GLB1L3: variants seen among roughly 807,000 people sequenced by gnomAD.
GLB1L3 encodes the protein galactosidase beta 1 like 3, also known as beta-galactosidase-1-like protein 3.
A neutral mutation model predicts 89.5 loss-of-function variants in GLB1L3; 89 were observed. The ratio of observed to expected loss-of-function variants is 0.99; its 90% CI spans 0.84 to 1.19. The LOEUF (loss-of-function observed/expected upper bound fraction) is 1.19, where lower values mean the gene tolerates loss of function less well. GLB1L3 is among the 50% of genes most tolerant of loss of function. The pLI, the probability that GLB1L3 is intolerant of heterozygous loss-of-function variation, is 0.00. For synonymous variants in GLB1L3, 314 were observed against 312.3 expected (o/e 1.01, Z -0.06); for missense variants, 812 against 813.3 (o/e 1.00, Z 0.02).
chr11:134,302,322 CTG>C (rs60673246), intron 9 of GLB1L3, among the ~76,000 whole-genome samples: 15,213 of 152,164 alleles, frequency 0.1, 812 homozygotes, highest in African/African-American at 0.13. Flanking sequence ...GAGGAGAAAA[CTG>C]TGGTTTCATT....
chr11:134,312,556 A>G, intron 14 of GLB1L3, 67 bp downstream of exon 14: 9 of 1,565,108 alleles, frequency 5.8e-6, no homozygotes, highest in Non-Finnish European at 6.9e-6. Flanking sequence ...CGGGCAGGGT[A>G]GTTGACTGAA....
At position 134,313,630 on chromosome 11, in the gene GLB1L3, G is replaced by A. The variant is rs1228450415; in HGVS notation, c.1579+156G>A. ...GATGCAAAATCGGCCCCTCGCCCTT[G>A]TCTTGCCTTCTCTGATCTCCAGGGC... On this transcript the variant is annotated intron_variant, in intron 16 of 19. Transcript: ENST00000431683. Among the ~76,000 whole-genome samples, 2 of 152,224 alleles carry A rather than the reference G, an allele frequency of 1.3e-5. 1 individual carries two copies. The highest frequency in any genetic ancestry group is 2.9e-5 in the Non-Finnish European group (2 of 68,040).
Position 134,276,569 on chromosome 11 carries a change from G to A in GLB1L3, c.-172G>A, listed in dbSNP as rs1940379154. On this transcript the variant is annotated 5_prime_UTR_variant, in exon 1 of 20. Transcript: ENST00000431683. ...AGCCCGACGCGCATCCTTGGGACCC[G>A]GACCCGGCGCCCGCGCCTCGGGACG... is the stretch of plus-strand genomic sequence containing the variant. 1 of 525,514 alleles carries A rather than the reference G, an allele frequency of 1.9e-6. No homozygotes were observed. Among genetic ancestry groups the A allele is most frequent in the Non-Finnish European group, 2.9e-6 (1 of 345,068 alleles). 32.6% of individuals were successfully genotyped at this position (525,514 alleles called of 1,614,324 possible). A position where few individuals can be genotyped will look rare whatever the true frequency, so the allele number is the denominator to read the frequency against.
intron 10 of GLB1L3, among the ~76,000 whole-genome samples, chr11:134,308,622 C>CCAT (rs1565414768): frequency 6.8e-6 from 1 of 146,602 alleles, no homozygotes; most frequent in Non-Finnish European, 1.5e-5. Flanking sequence ...ACCACTATCA[C>CCAT]CACCATCACC....
intron 9 of GLB1L3, among the ~76,000 whole-genome samples, chr11:134,298,269 T>C (rs1941764463): frequency 6.6e-6 from 1 of 152,176 alleles, no homozygotes; most frequent in Non-Finnish European, 1.5e-5. Context: ...CTACACGATA[T>C]GTTCCAGAAA....
At chr11:134,306,573 GAAAATGCAT>G (rs1274295014) in intron 9 of GLB1L3, among the ~76,000 whole-genome samples, 1 of 152,204 alleles carries the variant, frequency 6.6e-6, no homozygotes, top group East Asian at 1.9e-4. Flanking sequence ...GAGTGCAGCT[GAAAATGCAT>G]GCTGAGTGGC....
intron 18 of GLB1L3, among the ~76,000 whole-genome samples, chr11:134,315,244 A>G (rs1942931447): frequency 6.6e-6 from 1 of 152,182 alleles, no homozygotes; most frequent in African/African-American, 2.4e-5. Context: ...CTTTTTCTGA[A>G]CATTTGGATT....
chr11:134,288,178 G>A (rs1481197643), intron 6 of GLB1L3, among the ~76,000 whole-genome samples: 2 of 152,222 alleles, frequency 1.3e-5, no homozygotes, highest in African/African-American at 4.8e-5. Context: ...TCCCAAGGGA[G>A]TTTGAGGAGT....
chr11:134,284,062 C>A (rs941002724), intron 6 of GLB1L3, among the ~76,000 whole-genome samples: 7 of 152,180 alleles, frequency 4.6e-5, no homozygotes, highest in Admixed American at 3.9e-4. Flanking sequence ...TAGAAAGACT[C>A]ATCACACAAG....
chr11:134,322,080 C>T (rs1943175855), downstream of GLB1L3, among the ~76,000 whole-genome samples: 1 of 152,120 alleles, frequency 6.6e-6, no homozygotes, highest in Non-Finnish European at 1.5e-5. Flanking sequence ...ACAAGAGATA[C>T]ACCTTTAACA....
chr11:134,314,480 C>A (rs534188520), intron 18 of GLB1L3, 39 bp downstream of exon 18: 2 of 1,296,142 alleles, frequency 1.5e-6, no homozygotes, highest in East Asian at 2.5e-5. Context: ...TTCCAAACAC[C>A]AATTTTATTT....
chr11:134,314,156 G>A (rs577894069), intron 17 of GLB1L3, 128 bp downstream of exon 17: 10 of 771,692 alleles, frequency 1.3e-5, no homozygotes, highest in African/African-American at 1.2e-4. Context: ...TGGGTACTTC[G>A]GCGTCAGAAC....
Position 134,308,347 on chromosome 11 carries a change from CCA to C in GLB1L3, c.961+1140_961+1141del, listed in dbSNP as rs1942402568. On this transcript the variant is annotated intron_variant, in intron 10 of 19. Transcript: ENST00000431683. ...ATCACCATCACCATCACCATCATCA[CCA>C]TCACCACTACCACCACCACCACCAC... 3.3e-4 allele frequency among the ~76,000 whole-genome samples: 14 copies of C among 42,128 alleles called. 1 individual carries two copies. In the South Asian group the frequency reaches 4.4e-3, roughly 13 times the overall value. The allele number at this position is 42,128 out of a possible 152,430, so 27.6% of individuals were successfully genotyped here.
intron 9 of GLB1L3, among the ~76,000 whole-genome samples, chr11:134,295,334 A>G (rs1022713633): frequency 2.0e-5 from 3 of 152,210 alleles, no homozygotes; most frequent in African/African-American, 4.8e-5. Flanking sequence ...GAGTTGTAGT[A>G]ATTTACATCT....
intron 5 of GLB1L3, among the ~76,000 whole-genome samples, chr11:134,283,223 C>A (rs1425163171): frequency 6.6e-6 from 1 of 152,118 alleles, no homozygotes; most frequent in Non-Finnish European, 1.5e-5. Context: ...CCACCACACC[C>A]GGCTAATTTC....
chr11:134,309,345 C>T (rs1659795188), intron 10 of GLB1L3, among the ~76,000 whole-genome samples: 2 of 152,128 alleles, frequency 1.3e-5, no homozygotes, highest in Admixed American at 6.5e-5. Flanking sequence ...TCTTTAACGT[C>T]ATCAATAGGT....
chr11:134,280,457 C>T (rs905007594), intron 3 of GLB1L3, among the ~76,000 whole-genome samples: 2 of 152,044 alleles, frequency 1.3e-5, no homozygotes, highest in East Asian at 1.9e-4. Context: ...TATTACATGC[C>T]GACTTTTAAT....
chr11:134,313,336 G>C (rs993667833), intron 15 of GLB1L3, 60 bp from the exon 16 acceptor site: 1 of 1,364,504 alleles, frequency 7.3e-7, no homozygotes, highest in African/African-American at 1.4e-5. Context: ...GAAAAAACGG[G>C]TTGTCGGGTA....
chr11:134,313,862 G>C, intron 16 of GLB1L3, 79 bp from the exon 17 acceptor site: 1 of 894,564 alleles, frequency 1.1e-6, no homozygotes, highest in Admixed American at 2.0e-5. Context: ...GTACAAGTCT[G>C]CATTGCTTTG....
Sources: gnomAD v4.1 joint callset for allele counts (sites outside exome capture counted in the v4.1 genomes callset) on GRCh38, gnomAD v4.1.1 for gene constraint, MANE v1.5 for transcripts, NCBI Gene and HGNC (gene_info 2026-07-23, HGNC 2026-07-21) for gene names.